DNAJC6: variants seen among roughly 807,000 people sequenced by gnomAD.
The protein encoded by DNAJC6 is DnaJ heat shock protein family (Hsp40) member C6, also known as auxilin.
DNAJC6 carries 34 observed loss-of-function variants against 110.0 expected under a neutral mutation model. The observed-to-expected ratio is 0.31, with a 90% CI of 0.24 to 0.41. The LOEUF is 0.41. DNAJC6 is among the 10% of genes least tolerant of loss of function. The pLI is 1.00. For missense variants in DNAJC6, 1,031 were observed against 1,207.8 expected, an observed-to-expected ratio of 0.85 and a Z score of 2.17; for synonymous variants, 406 against 437.2, an observed-to-expected ratio of 0.93 and a Z score of 0.89.
At chr1:65,265,730 G>A (rs1006293570) in intron 1 of DNAJC6, among the ~76,000 whole-genome samples, 1 of 152,154 alleles carries the variant, frequency 6.6e-6, no homozygotes, top group African/African-American at 2.4e-5. Context: ...CTAGGTCTCC[G>A]GAGGCTACAC....
At chr1:65,313,586 G>A (rs1269805332) in intron 1 of DNAJC6, among the ~76,000 whole-genome samples, 1 of 152,160 alleles carries the variant, frequency 6.6e-6, no homozygotes, top group Non-Finnish European at 1.5e-5. Context: ...TCAAAGGTTT[G>A]AGTTTTTCCC....
At position 65,313,611 on chromosome 1, in the gene DNAJC6, T is replaced by A. The variant is rs9436266; in HGVS notation, c.193+3673T>A. On this transcript the variant is annotated intron_variant, in intron 1 of 18. Coordinates refer to ENST00000371069, the MANE Select transcript of DNAJC6 (RefSeq NM_001256864.2). ...GAGTTTTTCCCCATTGAACTAAACT[T>A]TTGGGTAGACACAATATCAACTGAT... 4.0e-3 allele frequency among the ~76,000 whole-genome samples: 602 copies of A among 152,298 alleles called. 2 individuals are homozygous for A. The highest frequency in any genetic ancestry group is 0.014 in the African/African-American group (588 of 41,574).
intron 1 of DNAJC6, among the ~76,000 whole-genome samples, chr1:65,349,425 C>G (rs1438973752): frequency 1.3e-5 from 2 of 152,004 alleles, no homozygotes; most frequent in Admixed American, 6.6e-5. Flanking sequence ...TACACTTCAT[C>G]CTTTCCTACA....
chr1:65,347,538 A>T (rs1307471888), intron 1 of DNAJC6, among the ~76,000 whole-genome samples: 1 of 151,828 alleles, frequency 6.6e-6, no homozygotes, highest in Non-Finnish European at 1.5e-5. Flanking sequence ...TATATTATAG[A>T]TATATATGAT....
At chr1:65,267,687 GA>G (rs1260800031) in intron 1 of DNAJC6, among the ~76,000 whole-genome samples, 1 of 152,118 alleles carries the variant, frequency 6.6e-6, no homozygotes, top group East Asian at 1.9e-4. Flanking sequence ...CAGACAGAGA[GA>G]GAGAGAAAGA....
Position 65,364,679 on chromosome 1 carries a change from T to C in DNAJC6, c.238T>C (p.Phe80Leu). 1.2e-6 allele frequency: 2 copies of C among 1,613,146 alleles called. No individual in the cohort carries two copies. Among genetic ancestry groups the C allele is most frequent in the Non-Finnish European group, 1.7e-6 (2 of 1,179,614 alleles). ...DMEPSYGGGL[F>L]DMVKGGAGRL... is the part of the protein sequence containing the mutation. ...GGAGCCCAGCTATGGGGGAGGTCTC[T>C]TTGACATGGTAAAAGGAGGTGCAGG... The change falls in exon 2 of 19, where the codon TTT (phenylalanine) becomes CTT (leucine). Residue 80 changes from phenylalanine to leucine, a missense_variant. Physicochemically the swap from Phe to Leu is conservative, Grantham distance 22. Transcript: ENST00000371069.
chr1:65,315,008 G>A (rs1645136206), intron 1 of DNAJC6, among the ~76,000 whole-genome samples: 1 of 152,212 alleles, frequency 6.6e-6, no homozygotes, highest in Non-Finnish European at 1.5e-5. Flanking sequence ...TTTCTGTGAT[G>A]GAGCTTTAGC....
At chr1:65,302,376 T>C (rs1214149749) in intron 1 of DNAJC6, among the ~76,000 whole-genome samples, 2 of 147,482 alleles carry the variant, frequency 1.4e-5, no homozygotes, top group African/African-American at 5.0e-5. Flanking sequence ...TAATTGCCAT[T>C]CTGACAGTAA....
chr1:65,383,713 G>A (rs1221230000), intron 5 of DNAJC6, among the ~76,000 whole-genome samples: 8 of 152,112 alleles, frequency 5.3e-5, no homozygotes, highest in Admixed American at 4.6e-4. Context: ...CAAACATTCA[G>A]TCCACAACAG....
intron 1 of DNAJC6, among the ~76,000 whole-genome samples, chr1:65,295,642 T>G (rs1036658567): frequency 1.3e-5 from 2 of 151,704 alleles, no homozygotes; most frequent in African/African-American, 4.8e-5. Flanking sequence ...AATGAGAAAC[T>G]GAGACTCAGA....
chr1:65,310,263 G>C (rs1370400938), intron 1 of DNAJC6, among the ~76,000 whole-genome samples: 1 of 152,040 alleles, frequency 6.6e-6, no homozygotes, highest in African/African-American at 2.4e-5. Flanking sequence ...AGCGGGTGGG[G>C]CGAAGAACGG....
intron 17 of DNAJC6, among the ~76,000 whole-genome samples, chr1:65,409,113 A>G (rs1259794980): frequency 2.6e-5 from 4 of 152,128 alleles, no homozygotes; most frequent in Non-Finnish European, 5.9e-5. Context: ...AAGGACACTA[A>G]TCCCATTTAT....
intron 16 of DNAJC6, among the ~76,000 whole-genome samples, chr1:65,408,305 C>T (rs1646095753): frequency 6.6e-6 from 1 of 152,174 alleles, no homozygotes; most frequent in Non-Finnish European, 1.5e-5. Context: ...AACCGAGATC[C>T]CAGTGCCAAC....
chr1:65,355,267 A>G (rs1645531596), intron 1 of DNAJC6, among the ~76,000 whole-genome samples: 1 of 145,040 alleles, frequency 6.9e-6, no homozygotes, highest in Admixed American at 6.9e-5. Context: ...CCTGTCTCAA[A>G]AAAAAAAAAA....
At chr1:65,380,921 G>GTTTTTTTTTTTT (rs1162044500) in intron 5 of DNAJC6, among the ~76,000 whole-genome samples, 13 of 99,352 alleles carry the variant, frequency 1.3e-4, no homozygotes, top group South Asian at 3.4e-4. Context: ...GTTTTGTTTT[G>GTTTTTTTTTTTT]TTTTTTTTTT....
At chr1:65,345,229 C>CGTGTGTGTGTGT (rs55934054) in intron 1 of DNAJC6, among the ~76,000 whole-genome samples, 46 of 143,942 alleles carry the variant, frequency 3.2e-4, no homozygotes, top group African/African-American at 1.1e-3. Context: ...CTCTCCCTTT[C>CGTGTGTGTGTGT]GTGTGTGTGT....
At chr1:65,393,697 G>A (rs986810729) in intron 12 of DNAJC6, among the ~76,000 whole-genome samples, 1 of 152,118 alleles carries the variant, frequency 6.6e-6, no homozygotes, top group Non-Finnish European at 1.5e-5. Flanking sequence ...AGCTCCTGAA[G>A]AACCCACTCA....
At chr1:65,317,954 C>T (rs1290633654) in intron 1 of DNAJC6, among the ~76,000 whole-genome samples, 3 of 152,176 alleles carry the variant, frequency 2.0e-5, no homozygotes, top group Non-Finnish European at 4.4e-5. Context: ...GGCTAATGCA[C>T]AGTGGCATCA....
rs796797174 is a variant in DNAJC6, at chr1:65,380,916, G to GTTTTTTT, written c.666+1396_666+1397insTTTTTTT. Among the ~76,000 whole-genome samples the GTTTTTTT allele has an allele frequency of 5.0e-4, 47 of 93,504 alleles. 1 individual carries two copies. The highest frequency in any genetic ancestry group is 1.1e-3 in the African/African-American group (16 of 15,046). 61.3% of individuals were successfully genotyped at this position (93,504 alleles called of 152,430 possible). A position where few individuals can be genotyped will look rare whatever the true frequency, so the allele number is the denominator to read the frequency against. On this transcript the variant is annotated intron_variant, in intron 5 of 18. Transcript: ENST00000371069. ...TTTTTTTTTTTTTGTTTTTTGTTTT[G>GTTTTTTT]TTTTGTTTTTTTTTTTTTTTTGGGA...
Sources: allele counts gnomAD v4.1 joint callset (sites outside exome capture counted in the v4.1 genomes callset), GRCh38; gene constraint gnomAD v4.1.1; transcripts MANE v1.5; gene names NCBI Gene and HGNC (gene_info 2026-07-23, HGNC 2026-07-21).